MTA3: variants seen among roughly 807,000 people sequenced by gnomAD.
The protein encoded by MTA3 is metastasis associated 1 family member 3.
MTA3 carries 34 observed loss-of-function variants against 83.5 expected under a neutral mutation model. That is an observed-to-expected ratio of 0.41 (90% confidence interval 0.31 to 0.54). The LOEUF (loss-of-function observed/expected upper bound fraction) is 0.54, where lower values mean the gene tolerates loss of function less well. Ranked by LOEUF, MTA3 falls within the 20% of genes least tolerant of loss-of-function variation. MTA3 has a pLI of 0.33. For synonymous variants in MTA3, 303 were observed against 252.7 expected (o/e 1.20, Z -1.89); for missense variants, 761 against 726.4 (o/e 1.05, Z -0.55).
chr2:42,605,280 C>T (rs1683135717), intron 3 of MTA3, among the ~76,000 whole-genome samples: 3 of 82,290 alleles, frequency 3.6e-5, no homozygotes. Context: ...CCCCCACCTC[C>T]CTCCCGGACG....
intron 3 of MTA3, among the ~76,000 whole-genome samples, chr2:42,590,776 A>G (rs1680894462): frequency 6.6e-6 from 1 of 152,030 alleles, no homozygotes; most frequent in African/African-American, 2.4e-5. Context: ...GTGCACCACC[A>G]TGCCTGGCTA....
intron 4 of MTA3, among the ~76,000 whole-genome samples, chr2:42,635,629 CA>C (rs200095020): frequency 7.0e-5 from 10 of 143,544 alleles, no homozygotes; most frequent in Non-Finnish European, 7.6e-5. Flanking sequence ...GACTCTATCT[CA>C]AAAAAAAAAG....
chr2:42,694,401 T>G (rs1346548521), intron 9 of MTA3, among the ~76,000 whole-genome samples: 1 of 152,114 alleles, frequency 6.6e-6, no homozygotes, highest in Non-Finnish European at 1.5e-5. Flanking sequence ...CTTCAGCCCA[T>G]GGTCATGAGG....
chr2:42,603,910 C>T (rs1209352629), intron 3 of MTA3, among the ~76,000 whole-genome samples: 1 of 152,194 alleles, frequency 6.6e-6, no homozygotes, highest in East Asian at 1.9e-4. Context: ...ACCATCTCAC[C>T]TGGCTAATTT....
At chr2:42,590,929 T>C (rs900346590) in intron 3 of MTA3, among the ~76,000 whole-genome samples, 1 of 152,218 alleles carries the variant, frequency 6.6e-6, no homozygotes, top group African/African-American at 2.4e-5. Context: ...TTCCACACTT[T>C]GAGGTACTGT....
chr2:42,513,462 C>T (rs1674990581), intron 2 of MTA3, among the ~76,000 whole-genome samples: 1 of 152,138 alleles, frequency 6.6e-6, no homozygotes, highest in Admixed American at 6.6e-5. Context: ...TGACTTCACC[C>T]AGGAAAAGGG....
intron 3 of MTA3, among the ~76,000 whole-genome samples, chr2:42,582,485 C>G (rs1230637799): frequency 6.6e-6 from 1 of 152,054 alleles, no homozygotes; most frequent in Non-Finnish European, 1.5e-5. Context: ...ATTAGTATGT[C>G]ATTCTAAAAA....
chr2:42,633,306 G>A (rs371758462), intron 4 of MTA3, among the ~76,000 whole-genome samples: 1 of 151,960 alleles, frequency 6.6e-6, no homozygotes, highest in Non-Finnish European at 1.5e-5. Flanking sequence ...GTCCAGGGTC[G>A]GGTTTGATGG....
In MTA3 at chr2:42,753,636, C is replaced by A. The variant is rs530297098; in HGVS notation, c.*237C>A. On this transcript the variant is annotated 3_prime_UTR_variant, in exon 17 of 17. Coordinates refer to ENST00000405094, the MANE Select transcript of MTA3 (RefSeq NM_001330442.2). ...TTTCTTGTCAGAGACCTCGCTGTTA[C>A]GGAGCGAGACCTGCTGAGAATTGAG... 7.9e-5 allele frequency: 105 copies of A among 1,336,796 alleles called. No individual in the cohort carries two copies. The highest frequency in any genetic ancestry group is 1.0e-4 in the Non-Finnish European group (104 of 1,039,926). 82.8% of individuals were successfully genotyped at this position (1,336,796 alleles called of 1,614,324 possible).
chr2:42,572,757 C>T (rs2103840270), intron 2 of MTA3, among the ~76,000 whole-genome samples: 1 of 152,138 alleles, frequency 6.6e-6, no homozygotes, highest in Non-Finnish European at 1.5e-5. Flanking sequence ...ATGAAGTTTT[C>T]ACTCTTGTTG....
intron 16 of MTA3, among the ~76,000 whole-genome samples, chr2:42,744,051 T>A (rs373629250): frequency 9.2e-4 from 140 of 152,302 alleles, no homozygotes; most frequent in African/African-American, 3.1e-3. Context: ...TTAAATATAT[T>A]TTTAAAACCT....
chr2:42,571,457 T>G (rs1195495147), intron 2 of MTA3, among the ~76,000 whole-genome samples: 1 of 152,084 alleles, frequency 6.6e-6, no homozygotes. Context: ...CCGAATATTC[T>G]TTTGCTTTTT....
intron 16 of MTA3, among the ~76,000 whole-genome samples, chr2:42,734,091 G>A (rs1668433643): frequency 6.6e-6 from 1 of 152,244 alleles, no homozygotes; most frequent in African/African-American, 2.4e-5. Context: ...CTGACTTTCT[G>A]TCTGGACGAT....
chr2:42,560,594 C>CAAACAAA (rs1677625737), intron 2 of MTA3, among the ~76,000 whole-genome samples: 1 of 148,192 alleles, frequency 6.7e-6, no homozygotes, highest in African/African-American at 2.5e-5. Flanking sequence ...ACAAACAAAA[C>CAAACAAA]ACACACACAC....
chr2:42,619,656 T>G (rs971303945), intron 4 of MTA3, among the ~76,000 whole-genome samples: 2 of 152,164 alleles, frequency 1.3e-5, no homozygotes, highest in African/African-American at 2.4e-5. Context: ...ATGTATAAAT[T>G]GAGAAGTTGA....
chr2:42,637,830 G>A (rs2374437), intron 4 of MTA3, among the ~76,000 whole-genome samples: 112,694 of 151,932 alleles, frequency 0.74, 42,026 homozygotes, highest in South Asian at 0.88. Flanking sequence ...TGAAAATAAA[G>A]GTTTTATAAT....
rs1274910272 is a variant in MTA3, at chr2:42,754,683, A to G, written c.*1284A>G. ...ACAACTGGAGTCTGATCTCCCAGCC[A>G]TCTCTGGGGTTACTAGGAGGCAGCT... On this transcript the variant is annotated 3_prime_UTR_variant, in exon 17 of 17. Transcript: ENST00000405094. 6 of 985,370 alleles carry G rather than the reference A, an allele frequency of 6.1e-6. No individual in the cohort carries two copies. The highest frequency in any genetic ancestry group is 7.2e-6 in the Non-Finnish European group (6 of 829,954). The allele number at this position is 985,370 out of a possible 1,614,324, so 61.0% of individuals were successfully genotyped here.
intron 14 of MTA3, among the ~76,000 whole-genome samples, chr2:42,718,267 G>T (rs866259194): frequency 1.2e-4 from 18 of 151,866 alleles, no homozygotes; most frequent in African/African-American, 4.1e-4. Context: ...TTATTATTGA[G>T]ATGGAGTTTC....
At chr2:42,561,378 A>T (rs1053619115) in intron 2 of MTA3, among the ~76,000 whole-genome samples, 2 of 151,024 alleles carry the variant, frequency 1.3e-5, no homozygotes, top group Non-Finnish European at 2.9e-5. Context: ...GCTGGAGTGC[A>T]GTGGCACAAT....
Sources: allele counts gnomAD v4.1 joint callset (sites outside exome capture counted in the v4.1 genomes callset), GRCh38; gene constraint gnomAD v4.1.1; transcripts MANE v1.5; gene names NCBI Gene and HGNC (gene_info 2026-07-23, HGNC 2026-07-21).